The following SEC22C variants were observed in gnomAD, a reference collection of about 807,000 sequenced individuals.
SEC22C encodes vesicle-trafficking protein SEC22c.
SEC22C carries 29 observed loss-of-function variants against 34.7 expected under a neutral mutation model. That is an observed-to-expected ratio of 0.84 (90% CI 0.62 to 1.14). The LOEUF (loss-of-function observed/expected upper bound fraction) is 1.14, where lower values mean the gene tolerates loss of function less well. SEC22C is among the 50% of genes most tolerant of loss of function. SEC22C has a pLI of 0.00. For synonymous variants in SEC22C, 117 were observed against 132.8 expected (o/e 0.88, Z 0.82); for missense variants, 337 against 369.0 (o/e 0.91, Z 0.71).
chr3:42,590,833 G>C (rs1480343179), intron 1 of SEC22C: 3 of 1,550,416 alleles, frequency 1.9e-6, no homozygotes, highest in African/African-American at 1.4e-5. Context: ...TCAACTTCGA[G>C]AGCGTAGGCC....
chr3:42,560,800 G>A (rs1702854489), intron 4 of SEC22C, among the ~76,000 whole-genome samples: 1 of 151,996 alleles, frequency 6.6e-6, no homozygotes, highest in Middle Eastern at 3.4e-3. Context: ...CACCACCTCT[G>A]GCTAATTTTT....
At chr3:42,555,368 A>T (rs1702473458) in intron 6 of SEC22C, among the ~76,000 whole-genome samples, 1 of 152,086 alleles carries the variant, frequency 6.6e-6, no homozygotes, top group South Asian at 2.1e-4. Context: ...AGAAAAAAAA[A>T]GTTCAGAGAT....
intron 2 of SEC22C, chr3:42,566,979 A>G: frequency 1.6e-5 from 3 of 184,242 alleles, no homozygotes; most frequent in South Asian, 7.8e-5. Flanking sequence ...TGAGGTGTGA[A>G]CATGGCTCAC....
intron 1 of SEC22C, among the ~76,000 whole-genome samples, chr3:42,596,614 T>G (rs1185196526): frequency 1.3e-5 from 2 of 152,244 alleles, no homozygotes; most frequent in African/African-American, 4.8e-5. Context: ...TAGGCCTGCC[T>G]TGTCCCAGGA....
chr3:42,578,561 C>T (rs1322812209), intron 1 of SEC22C, among the ~76,000 whole-genome samples: 1 of 151,784 alleles, frequency 6.6e-6, no homozygotes, highest in Admixed American at 6.6e-5. Flanking sequence ...CACACACACA[C>T]ACACACACAC....
rs749539825 is a variant in SEC22C at position 42,568,869 on chromosome 3, T to C, written c.178A>G (p.Ile60Val). ...RGSAEGCDFS[I>V]HFSSFGDVAC... ...AAAGTGAATATGATCACTTACTGTA[T>C]ACTAAAGTCACAACCTTCTGCAGAA... is the stretch of plus-strand genomic sequence containing the variant. The change falls in exon 2 of 7, where the codon ATA (isoleucine) becomes GTA (valine). Residue 60 changes from isoleucine (I) to valine (V), a missense_variant. Physicochemically the swap from Ile to Val is conservative, Grantham distance 29. Transcript: ENST00000264454. The C allele has an allele frequency of 7.4e-6, 12 of 1,613,998 alleles. No homozygotes were observed. The highest frequency in any genetic ancestry group is 1.3e-5 in the African/African-American group (1 of 74,926).
At chr3:42,570,631 G>GT (rs1327156309) in intron 1 of SEC22C, among the ~76,000 whole-genome samples, 2 of 152,112 alleles carry the variant, frequency 1.3e-5, no homozygotes, top group Admixed American at 6.5e-5. Flanking sequence ...AAGCTACTAA[G>GT]TTTGCAGCAC....
chr3:42,583,782 CT>C (rs1704514146), upstream of SEC22C, among the ~76,000 whole-genome samples: 1 of 152,180 alleles, frequency 6.6e-6, no homozygotes, highest in African/African-American at 2.4e-5. Context: ...TGGGACACCC[CT>C]CTTCTGCCCT....
intron 1 of SEC22C, among the ~76,000 whole-genome samples, chr3:42,589,268 C>CA (rs1486557886): frequency 3.6e-4 from 52 of 142,606 alleles, no homozygotes; most frequent in African/African-American, 5.2e-4. Flanking sequence ...GACTCTGTCT[C>CA]AAAAAAAAAA....
intron 1 of SEC22C, chr3:42,587,552 C>A (rs1026411935): frequency 2.6e-5 from 4 of 151,740 alleles, no homozygotes; most frequent in Non-Finnish European, 5.9e-5. Flanking sequence ...CACAGTGGAA[C>A]CCCGTCTCTA....
intron 1 of SEC22C, among the ~76,000 whole-genome samples, chr3:42,588,408 A>AAAC (rs1434845046): frequency 6.6e-6 from 1 of 152,178 alleles, no homozygotes; most frequent in African/African-American, 2.4e-5. Context: ...TTGTATCAAA[A>AAAC]AACAACAACA....
intron 1 of SEC22C, among the ~76,000 whole-genome samples, chr3:42,580,247 G>A (rs1440110563): frequency 6.6e-6 from 1 of 152,206 alleles, no homozygotes; most frequent in South Asian, 2.1e-4. Flanking sequence ...GAGAGAGACA[G>A]AAAGAAAGAG....
At chr3:42,554,071 G>A (rs935524496) in intron 6 of SEC22C, among the ~76,000 whole-genome samples, 1 of 150,248 alleles carries the variant, frequency 6.7e-6, no homozygotes, top group Non-Finnish European at 1.5e-5. Context: ...AGGTGGAAAC[G>A]GCATTTTGGT....
rs1308485364 is a variant in SEC22C at position 42,551,221 on chromosome 3, A to G, written c.*2027T>C. 29 of 985,310 alleles carry G rather than the reference A, an allele frequency of 2.9e-5. No homozygotes were observed. Among genetic ancestry groups the G allele is most frequent in the Non-Finnish European group, 3.1e-5 (26 of 829,944 alleles). The allele number at this position is 985,310 out of a possible 1,614,324, so 61.0% of individuals were successfully genotyped here. ...TCCCATTCTATTTCACCATCTCTTC[A>G]AAATTGTCTCCCAGAAAAACTGAAA... On this transcript the variant is annotated 3_prime_UTR_variant, in exon 7 of 7. Coordinates refer to ENST00000264454, the MANE Select transcript of SEC22C (RefSeq NM_032970.4).
At chr3:42,591,235 T>C in intron 1 of SEC22C, 1 of 542,374 alleles carries the variant, frequency 1.8e-6, no homozygotes, top group Non-Finnish European at 3.2e-6. Context: ...AGTCCCGCTC[T>C]GTCGCCCAGG....
At chr3:42,555,083 T>C (rs1221171790) in intron 6 of SEC22C, among the ~76,000 whole-genome samples, 1 of 152,112 alleles carries the variant, frequency 6.6e-6, no homozygotes, top group Non-Finnish European at 1.5e-5. Flanking sequence ...TGGTGGCTCA[T>C]GCCTGTAATC....
intron 1 of SEC22C, among the ~76,000 whole-genome samples, chr3:42,573,103 C>T (rs566338048): frequency 3.9e-5 from 6 of 152,126 alleles, no homozygotes; most frequent in South Asian, 2.1e-4. Flanking sequence ...CCTCCCACCT[C>T]GGCCTCTCAA....
intron 1 of SEC22C, among the ~76,000 whole-genome samples, chr3:42,589,530 G>C (rs367632357): frequency 2.6e-5 from 4 of 152,120 alleles, no homozygotes; most frequent in African/African-American, 9.7e-5. Flanking sequence ...ACAGGGGACC[G>C]GTACCGCATA....
At chr3:42,563,956 G>T (rs1703084694) in intron 2 of SEC22C, 4 of 1,342,746 alleles carry the variant, frequency 3.0e-6, no homozygotes, top group South Asian at 1.2e-5. Context: ...TCTATTGGGG[G>T]AATTAGCCTC....
Sources: gnomAD v4.1 joint callset for allele counts (sites outside exome capture counted in the v4.1 genomes callset) on GRCh38, gnomAD v4.1.1 for gene constraint, MANE v1.5 for transcripts, NCBI Gene and HGNC (gene_info 2026-07-23, HGNC 2026-07-21) for gene names.